The following EP400 variants were observed in gnomAD, a reference collection of about 807,000 sequenced individuals.
EP400 encodes E1A-binding protein p400.
A neutral mutation model predicts 354.1 loss-of-function variants in EP400; 105 were observed. The ratio of observed to expected loss-of-function variants is 0.30; its 90% confidence interval spans 0.25 to 0.35. EP400 has a LOEUF of 0.35. EP400 is among the 10% of genes least tolerant of loss of function. The pLI, the probability that EP400 is intolerant of heterozygous loss-of-function variation, is 1.00. For missense variants in EP400, 3,280 were observed against 4,121.0 expected, an observed-to-expected ratio of 0.80 and a Z score of 5.59; for synonymous variants, 1,646 against 1,716.9, an observed-to-expected ratio of 0.96 and a Z score of 1.02.
Position 131,987,811 on chromosome 12 carries a change from A to T in EP400, c.2330A>T (p.Asp777Val). The T allele has an allele frequency of 1.2e-6, 2 of 1,613,646 alleles. No homozygotes were observed. The highest frequency in any genetic ancestry group is 1.7e-6 in the Non-Finnish European group (2 of 1,179,908). Residue 777 changes from aspartate (D) to valine (V), a missense_variant, in exon 7 of 53, where the codon GAC (aspartate) becomes GTC (valine). Physicochemically the swap from Asp to Val is radical, Grantham distance 152. Around this residue, in one of 20 missense-constraint regions of EP400, gnomAD observed 800 missense variants for 840.0 expected, o/e 0.95. Coordinates refer to ENST00000389561, the MANE Select transcript of EP400 (RefSeq NM_015409.5). ...GCCCCACGCCCCAAGTCCCACTGGG[A>T]CTATCTGCTGGAGGAGATGCAGTGG... ...QEAPRPKSHWDYLLEEMQWMA... is the reference protein window; with the variant it reads ...QEAPRPKSHWVYLLEEMQWMA...
In EP400 at chr12:132,055,174, G is replaced by A. The variant is rs201941549; in HGVS notation, c.7850G>A (p.Arg2617His). 2.5e-4 allele frequency: 390 copies of A among 1,581,724 alleles called. No individual in the cohort carries two copies. The highest frequency in any genetic ancestry group is 3.2e-4 in the Non-Finnish European group (374 of 1,163,430). Residue 2617 changes from arginine (R) to histidine (H), a missense_variant, in exon 45 of 53, where the codon CGC (arginine) becomes CAC (histidine). Around this residue, in one of 20 missense-constraint regions of EP400, gnomAD observed 255 missense variants for 295.9 expected, o/e 0.86. Transcript: ENST00000389561. ...PAATFQSINK[R>H]LASPVAPGAL... ...GCCACCTTCCAGTCCATCAACAAGC[G>A]CCTGGCGTCGCCAGTGGCTCCTGGG...
chr12:131,986,543 C>A lies in EP400; in HGVS notation c.1959C>A (p.Asp653Glu). ...QMVASTRLPVDPAPPCPRPLP... is the reference protein window; with the variant it reads ...QMVASTRLPVEPAPPCPRPLP... ...TAGCATCGACAAGGCTCCCTGTGGA[C>A]CCTGCCCCGCCCTGCCCACGGCCTC... Residue 653 changes from aspartate (D) to glutamate (E), a missense_variant, in exon 6 of 53, where the codon GAC (aspartate) becomes GAA (glutamate). Transcript: ENST00000389561. 6.2e-7 allele frequency: 1 copy of A among 1,611,044 alleles called. No homozygotes were observed.
chr12:131,967,820 C>A (rs1379943464), intron 2 of EP400, among the ~76,000 whole-genome samples: 2 of 151,916 alleles, frequency 1.3e-5, no homozygotes, highest in Admixed American at 6.6e-5. Flanking sequence ...TTGTTATTGT[C>A]AGTTTTCTTT....
chr12:132,037,357 A>G (rs1894753449), intron 30 of EP400, among the ~76,000 whole-genome samples: 1 of 152,222 alleles, frequency 6.6e-6, no homozygotes. Context: ...GAGAAGATAG[A>G]TGCTGGAGGT....
At chr12:131,987,977 G>A in intron 7 of EP400, 87 bp downstream of exon 7, 2 of 636,472 alleles carry the variant, frequency 3.1e-6, no homozygotes, top group Non-Finnish European at 4.6e-6. Flanking sequence ...GAGGTCTCCA[G>A]ACCCACTTTT....
intron 25 of EP400, among the ~76,000 whole-genome samples, chr12:132,026,008 A>C (rs1000602161): frequency 1.3e-5 from 2 of 152,154 alleles, no homozygotes; most frequent in African/African-American, 4.8e-5. Context: ...TATTGGTTGG[A>C]TATAACCAGC....
chr12:132,032,669 C>T (rs1221395356), intron 30 of EP400, among the ~76,000 whole-genome samples: 2 of 143,666 alleles, frequency 1.4e-5, no homozygotes, highest in Admixed American at 7.2e-5. Flanking sequence ...CTTACTCTGT[C>T]GCTCAGGCGG....
chr12:132,006,185 T>G lies in EP400; in HGVS notation c.3009T>G (p.Asp1003Glu). Residue 1003 changes from aspartate to glutamate, a missense_variant, in exon 14 of 53, where the codon GAT becomes GAG. Transcript: ENST00000389561. Reference protein sequence around the residue: ...LVLIDSLFIMDQFKAAERMNI... With the variant: ...LVLIDSLFIMEQFKAAERMNI... ...TCATCGACTCGCTTTTCATCATGGA[T>G]CAGTTCAAAGCTGCCGAGAGGATGA... 1 of 1,614,186 alleles carries G rather than the reference T, an allele frequency of 6.2e-7. No individual in the cohort carries two copies. The highest frequency in any genetic ancestry group is 8.5e-7 in the Non-Finnish European group (1 of 1,180,032).
rs201282002 is a variant in EP400 at position 131,989,950 on chromosome 12, C to T, written c.2410-14C>T. 159 of 1,612,540 alleles carry T rather than the reference C, an allele frequency of 9.9e-5. 1 individual carries two copies. Among genetic ancestry groups the T allele is most frequent in the Middle Eastern group, 4.9e-4 (3 of 6,082 alleles). On this transcript the variant is annotated splice_polypyrimidine_tract_variant and intron_variant, in intron 7 of 52. Transcript: ENST00000389561. ...TAGAGTACAACATACAATTCTTGCACTTTTATTCACCAGCTCGTTAGAACT... is the reference window on the plus strand; with the variant it reads ...TAGAGTACAACATACAATTCTTGCATTTTTATTCACCAGCTCGTTAGAACT...
intron 2 of EP400, among the ~76,000 whole-genome samples, chr12:131,975,292 G>C (rs746731686): frequency 6.6e-6 from 1 of 152,202 alleles, no homozygotes; most frequent in South Asian, 2.1e-4. Context: ...GTGTGTTCAT[G>C]TAGATATCCA....
chr12:132,077,866 C>T lies in EP400; in HGVS notation c.*193C>T, dbSNP rs12313437. 0.083 allele frequency: 62,746 copies of T among 754,816 alleles called. 4,082 individuals carry two copies. Among genetic ancestry groups the T allele is most frequent in the African/African-American group, 0.27 (15,215 of 56,704 alleles). The allele number at this position is 754,816 out of a possible 1,614,324, so 46.8% of individuals were successfully genotyped here. A position where few individuals can be genotyped will look rare whatever the true frequency, so the allele number is the denominator to read the frequency against. On this transcript the variant is annotated 3_prime_UTR_variant, in exon 53 of 53. Transcript: ENST00000389561. ...GACAAATGGTCCTTATGGAGTGCCG[C>T]GTTCTCTGTACTACGTGGCTCATGG...
At chr12:131,983,270 C>T (rs1246339910) in intron 5 of EP400, among the ~76,000 whole-genome samples, 1 of 152,220 alleles carries the variant, frequency 6.6e-6, no homozygotes, top group East Asian at 1.9e-4. Flanking sequence ...GACGTGCTCC[C>T]TGGACGCCTG....
intron 2 of EP400, among the ~76,000 whole-genome samples, chr12:131,971,344 G>A (rs57344384): frequency 0.13 from 19,091 of 152,138 alleles, 1,635 homozygotes; most frequent in African/African-American, 0.24. Context: ...TTACCAAATA[G>A]TATTCCATGT....
intron 34 of EP400, 60 bp downstream of exon 34, chr12:132,043,788 G>A: frequency 1.4e-6 from 2 of 1,426,970 alleles, no homozygotes; most frequent in Non-Finnish European, 1.9e-6. Flanking sequence ...AGTTAAGTTT[G>A]ATTTGAAGTA....
Position 132,030,056 on chromosome 12 carries a change from A to G in EP400, c.5652A>G (p.Leu1884=), listed in dbSNP as rs748817959. ...CTGAAGGACGTCGGGTGCTGATTTTATCACAGATGATTCTTATGTTGGACA... is the reference window on the plus strand; with the variant it reads ...CTGAAGGACGTCGGGTGCTGATTTTGTCACAGATGATTCTTATGTTGGACA... ...LKSEGRRVLI[L]SQMILMLDIL... The change falls in exon 29 of 53, where the codon TTA becomes TTG. Residue 1884 remains leucine (L), a synonymous_variant. Coordinates refer to ENST00000389561, the MANE Select transcript of EP400 (RefSeq NM_015409.5). 6.2e-7 allele frequency: 1 copy of G among 1,614,096 alleles called. No individual in the cohort carries two copies. The highest frequency in any genetic ancestry group is 1.3e-5 in the African/African-American group (1 of 74,928).
chr12:132,045,027 T>C, intron 37 of EP400, 74 bp downstream of exon 37: 1 of 1,347,190 alleles, frequency 7.4e-7, no homozygotes, highest in Non-Finnish European at 1.0e-6. Context: ...AGCCACTTTC[T>C]GCTGTCTGCC....
intron 30 of EP400, among the ~76,000 whole-genome samples, chr12:132,036,468 T>C (rs1348141161): frequency 6.6e-6 from 1 of 152,196 alleles, no homozygotes; most frequent in Non-Finnish European, 1.5e-5. Context: ...ACACGGAACG[T>C]CGTGGAAGCA....
chr12:132,016,924 C>T (rs1161254448), intron 19 of EP400, among the ~76,000 whole-genome samples: 1 of 152,186 alleles, frequency 6.6e-6, no homozygotes, highest in Non-Finnish European at 1.5e-5. Context: ...GTCTCTCTCC[C>T]GACCAGTTAC....
chr12:131,988,984 A>G (rs1295688635), intron 7 of EP400, among the ~76,000 whole-genome samples: 1 of 152,248 alleles, frequency 6.6e-6, no homozygotes, highest in Non-Finnish European at 1.5e-5. Context: ...ATTCATAAGC[A>G]TTCCAGAAAA....
Sources: gnomAD v4.1 joint callset for allele counts (sites outside exome capture counted in the v4.1 genomes callset) on GRCh38, gnomAD v4.1.1 for gene constraint, gnomAD v4.1.1 regional missense constraint, MANE v1.5 for transcripts, NCBI Gene and HGNC (gene_info 2026-07-23, HGNC 2026-07-21) for gene names.